The following ZNF804A variants were observed in gnomAD, a reference collection of about 807,000 sequenced individuals.
The protein encoded by ZNF804A is zinc finger protein 804A.
ZNF804A carries 2 observed loss-of-function variants against 16.5 expected under a neutral mutation model. The observed-to-expected ratio is 0.12, with a 90% confidence interval of 0.05 to 0.38. The LOEUF is 0.38. Among genes scored for constraint, ZNF804A ranks in the 10% least tolerant of loss-of-function variants. The pLI, the probability that ZNF804A is intolerant of heterozygous loss-of-function variation, is 0.99. For synonymous variants in ZNF804A, 534 were observed against 489.6 expected, an observed-to-expected ratio of 1.09 and a Z score of -1.20; for missense variants, 1,473 against 1,390.7, an observed-to-expected ratio of 1.06 and a Z score of -0.94.
chr2:184,826,126 C>T (rs890164289), intron 1 of ZNF804A, among the ~76,000 whole-genome samples: 1 of 152,020 alleles, frequency 6.6e-6, no homozygotes, highest in Admixed American at 6.6e-5. Context: ...CCTTGTGGTC[C>T]ACCCACCTCG....
intron 2 of ZNF804A, among the ~76,000 whole-genome samples, chr2:184,906,089 A>G (rs1463423634): frequency 6.6e-6 from 1 of 152,170 alleles, no homozygotes; most frequent in Non-Finnish European, 1.5e-5. Flanking sequence ...ATATTTGATC[A>G]TTGGAAATAA....
intron 2 of ZNF804A, among the ~76,000 whole-genome samples, chr2:184,916,988 G>A (rs1225237960): frequency 2.0e-5 from 3 of 152,154 alleles, no homozygotes; most frequent in Non-Finnish European, 2.9e-5. Flanking sequence ...TGCTTCAATT[G>A]ATTAAATGAG....
chr2:184,883,298 G>GA (rs991514886), intron 2 of ZNF804A, among the ~76,000 whole-genome samples: 25 of 151,798 alleles, frequency 1.6e-4, no homozygotes, highest in African/African-American at 6.0e-4. Flanking sequence ...GTACCAGCCA[G>GA]AAAAAACCCA....
chr2:184,806,196 C>A (rs1694799253), intron 1 of ZNF804A, among the ~76,000 whole-genome samples: 2 of 151,902 alleles, frequency 1.3e-5, no homozygotes, highest in Admixed American at 1.3e-4. Flanking sequence ...TAGAATAGAG[C>A]AGTGAGTTCT....
chr2:184,717,437 C>G (rs1369690144), intron 1 of ZNF804A, among the ~76,000 whole-genome samples: 1 of 152,152 alleles, frequency 6.6e-6, no homozygotes, highest in African/African-American at 2.4e-5. Flanking sequence ...CTCAGTGCTT[C>G]CCTTTACCCA....
At chr2:184,915,347 G>A (rs895135462) in intron 2 of ZNF804A, among the ~76,000 whole-genome samples, 4 of 151,980 alleles carry the variant, frequency 2.6e-5, no homozygotes, top group Admixed American at 1.3e-4. Flanking sequence ...ATAGCTGCAA[G>A]GTATATCTAT....
intron 1 of ZNF804A, among the ~76,000 whole-genome samples, chr2:184,613,570 A>G (rs915684517): frequency 6.6e-6 from 1 of 152,192 alleles, no homozygotes; most frequent in Non-Finnish European, 1.5e-5. Context: ...CAATCCTACA[A>G]ATTAAAAATT....
chr2:184,928,166 G>A (rs1287713807), intron 2 of ZNF804A, among the ~76,000 whole-genome samples: 1 of 152,054 alleles, frequency 6.6e-6, no homozygotes, highest in Non-Finnish European at 1.5e-5. Context: ...TGGTTATTCA[G>A]GACCCAAGGG....
chr2:184,932,475 A>T (rs1008454990), intron 2 of ZNF804A, among the ~76,000 whole-genome samples: 3 of 152,138 alleles, frequency 2.0e-5, no homozygotes, highest in African/African-American at 7.2e-5. Flanking sequence ...ATCAGATCTC[A>T]TGAGACTCAT....
chr2:184,765,296 G>A (rs529660477), intron 1 of ZNF804A, among the ~76,000 whole-genome samples: 1 of 152,154 alleles, frequency 6.6e-6, no homozygotes, highest in South Asian at 2.1e-4. Context: ...CACTACTATG[G>A]TAATAAGGGA....
intron 1 of ZNF804A, among the ~76,000 whole-genome samples, chr2:184,739,883 A>T (rs991602628): frequency 1.3e-5 from 2 of 152,196 alleles, no homozygotes; most frequent in Non-Finnish European, 1.5e-5. Flanking sequence ...ACTGACTATG[A>T]TTAGAATCAG....
At chr2:184,842,203 T>G (rs1695448231) in intron 1 of ZNF804A, among the ~76,000 whole-genome samples, 1 of 152,162 alleles carries the variant, frequency 6.6e-6, no homozygotes, top group African/African-American at 2.4e-5. Context: ...GTGCTAACAA[T>G]GTGTCAAGTG....
intron 1 of ZNF804A, among the ~76,000 whole-genome samples, chr2:184,807,221 G>A (rs1483230188): frequency 5.3e-5 from 8 of 151,928 alleles, no homozygotes. Context: ...AAATAAAATT[G>A]CAGGACGCAA....
intron 1 of ZNF804A, among the ~76,000 whole-genome samples, chr2:184,777,543 T>G (rs1694307220): frequency 6.7e-6 from 1 of 150,072 alleles, no homozygotes; most frequent in Non-Finnish European, 1.5e-5. Context: ...GTCCTAACTC[T>G]GAAAAAAATG....
intron 1 of ZNF804A, among the ~76,000 whole-genome samples, chr2:184,830,539 A>AAATAAG (rs1287741362): frequency 2.6e-5 from 4 of 152,106 alleles, no homozygotes; most frequent in African/African-American, 9.6e-5. Flanking sequence ...GGCATTTTTG[A>AAATAAG]GAGGTGATTT....
chr2:184,836,081 T>C (rs1163968243), intron 1 of ZNF804A, among the ~76,000 whole-genome samples: 1 of 150,994 alleles, frequency 6.6e-6, no homozygotes, highest in Non-Finnish European at 1.5e-5. Flanking sequence ...CCTTTCCCTA[T>C]CTATAAATGA....
At chr2:184,761,328 TC>T (rs1694033897) in intron 1 of ZNF804A, among the ~76,000 whole-genome samples, 1 of 152,262 alleles carries the variant, frequency 6.6e-6, no homozygotes, top group Middle Eastern at 3.4e-3. Flanking sequence ...TGCTTTTCCT[TC>T]AGTTTTCTTA....
intron 2 of ZNF804A, 141 bp from the exon 3 acceptor site, chr2:184,933,462 A>C (rs1243102605): frequency 7.5e-6 from 5 of 665,622 alleles, no homozygotes; most frequent in Non-Finnish European, 1.1e-5. Flanking sequence ...TTTTTGTTAG[A>C]AGTGGATTGT....
intron 1 of ZNF804A, among the ~76,000 whole-genome samples, chr2:184,857,992 CTGT>C (rs1695729399): frequency 6.6e-6 from 1 of 151,852 alleles, no homozygotes; most frequent in Non-Finnish European, 1.5e-5. Flanking sequence ...TGCTGTCTTC[CTGT>C]TAATTGTTTT....
Sources: allele counts gnomAD v4.1 joint callset (sites outside exome capture counted in the v4.1 genomes callset), GRCh38; gene constraint gnomAD v4.1.1; transcripts MANE v1.5; gene names NCBI Gene and HGNC (gene_info 2026-07-23, HGNC 2026-07-21).